Variants in AIG1 observed in about 807,000 individuals in gnomAD.
The protein encoded by AIG1 is androgen induced 1.
Under a neutral mutation model 31.4 loss-of-function variants are expected in AIG1, and 23 were observed. The observed-to-expected ratio is 0.73, with a 90% CI of 0.53 to 1.04. The LOEUF is 1.04. Ranked by LOEUF, AIG1 falls within the 50% of genes least tolerant of loss-of-function variation. The pLI is 0.00. For missense variants in AIG1, 274 were observed against 295.0 expected (o/e 0.93, Z 0.52); for synonymous variants, 100 against 110.5 (o/e 0.90, Z 0.60).
At chr6:143,181,951 C>A (rs970980177) in intron 3 of AIG1, among the ~76,000 whole-genome samples, 4 of 152,170 alleles carry the variant, frequency 2.6e-5, no homozygotes, top group Admixed American at 2.0e-4. Context: ...TCATACACTT[C>A]TCCATGGCTA....
chr6:143,192,562 A>T (rs902289761), intron 3 of AIG1, among the ~76,000 whole-genome samples: 12 of 151,652 alleles, frequency 7.9e-5, no homozygotes, highest in African/African-American at 2.9e-4. Context: ...CCAAGATCGT[A>T]CTACTTGCAC....
Position 143,328,646 on chromosome 6 carries a change from A to G in AIG1, c.516-4636A>G, listed in dbSNP as rs1276161339. Reference sequence around the variant, plus strand: ...ATAGATGTACACAGTTTCAAGGTATATGTGTAATTTAATTCATTCATATAA... The same window carrying G: ...ATAGATGTACACAGTTTCAAGGTATGTGTGTAATTTAATTCATTCATATAA... On this transcript the variant is annotated intron_variant, in intron 4 of 5. Transcript: ENST00000357847. This position sits in a 1 kb window ranked among gnomAD's most constrained non-coding sequence, Gnocchi z 4.0. Among the ~76,000 whole-genome samples the G allele has an allele frequency of 6.6e-6, 1 of 152,140 alleles. No homozygotes were observed. The highest frequency in any genetic ancestry group is 1.5e-5 in the Non-Finnish European group (1 of 68,028).
chr6:143,228,535 A>C (rs964343306), intron 3 of AIG1, among the ~76,000 whole-genome samples: 1 of 152,218 alleles, frequency 6.6e-6, no homozygotes, highest in Non-Finnish European at 1.5e-5. Flanking sequence ...ACAGGCAGGC[A>C]ACAGCATCAA....
intron 3 of AIG1, among the ~76,000 whole-genome samples, chr6:143,276,436 C>A (rs1276881286): frequency 6.6e-6 from 1 of 152,146 alleles, no homozygotes; most frequent in East Asian, 1.9e-4. Flanking sequence ...TCATTTTGAA[C>A]ATGAGGTTGT....
At chr6:143,232,570 T>G (rs890983296) in intron 3 of AIG1, among the ~76,000 whole-genome samples, 1 of 152,206 alleles carries the variant, frequency 6.6e-6, no homozygotes, top group East Asian at 1.9e-4. Context: ...AAACTCTAGA[T>G]AATAATCCTT....
intron 1 of AIG1, among the ~76,000 whole-genome samples, chr6:143,109,414 A>G (rs1781081181): frequency 6.6e-6 from 1 of 152,164 alleles, no homozygotes; most frequent in African/African-American, 2.4e-5. Context: ...GAGTCCACAT[A>G]TGTTCAGCTT....
rs1189527943 is a variant in AIG1, at chr6:143,103,495, A to T, written c.142-33340A>T. On this transcript the variant is annotated intron_variant, in intron 1 of 5. Transcript: ENST00000357847. ...ACAAAGTAGATGTGATAAATACAGA[A>T]GTTTTCTTTTTTTTTTTTTTTTTTT... Among the ~76,000 whole-genome samples, 10 of 147,236 alleles carry T rather than the reference A, an allele frequency of 6.8e-5. No homozygotes were observed. In the East Asian group the frequency reaches 2.1e-3, roughly 31 times the overall value.
chr6:143,333,477 A>G lies in AIG1; in HGVS notation c.679+32A>G, dbSNP rs1335911642. The G allele has an allele frequency of 1.2e-6, 2 of 1,606,564 alleles. No homozygotes were observed. The highest frequency in any genetic ancestry group is 1.7e-6 in the Non-Finnish European group (2 of 1,176,430). Reference sequence around the variant, plus strand: ...ATTGTCTGAGGGAACATAAAACAAGAGAATTACTGCCGGCAACAGTCTATG... The same window carrying G: ...ATTGTCTGAGGGAACATAAAACAAGGGAATTACTGCCGGCAACAGTCTATG... On this transcript the variant is annotated intron_variant, in intron 5 of 5. Coordinates refer to ENST00000357847, the MANE Select transcript of AIG1 (RefSeq NM_016108.4). The surrounding 1 kb of genome is among the most constrained non-coding windows in gnomAD (Gnocchi z 4.6).
intron 3 of AIG1, among the ~76,000 whole-genome samples, chr6:143,255,755 T>G (rs900812074): frequency 3.9e-5 from 6 of 152,098 alleles, no homozygotes; most frequent in Non-Finnish European, 5.9e-5. Flanking sequence ...CTATGGAAAT[T>G]TGAGGGGATT....
intron 3 of AIG1, among the ~76,000 whole-genome samples, chr6:143,174,256 A>T (rs1037342388): frequency 6.6e-6 from 1 of 152,150 alleles, no homozygotes; most frequent in African/African-American, 2.4e-5. Flanking sequence ...TGGGAGGCCA[A>T]GGCGGGTGGA....
chr6:143,234,783 A>G (rs1183147834), intron 3 of AIG1, among the ~76,000 whole-genome samples: 1 of 152,218 alleles, frequency 6.6e-6, no homozygotes, highest in East Asian at 1.9e-4. Flanking sequence ...AACCAACACC[A>G]TTGATAATAA....
intron 1 of AIG1, among the ~76,000 whole-genome samples, chr6:143,091,463 C>A (rs1053135323): frequency 1.3e-5 from 2 of 152,198 alleles, no homozygotes; most frequent in Admixed American, 1.3e-4. Context: ...CCAGAGAAAT[C>A]TTTTAATATA....
chr6:143,121,342 T>A (rs1396465027), intron 1 of AIG1, among the ~76,000 whole-genome samples: 2 of 152,234 alleles, frequency 1.3e-5, no homozygotes, highest in Non-Finnish European at 2.9e-5. Context: ...CCAGTTTGAA[T>A]CATCATCTCT....
At chr6:143,073,313 A>G (rs936429629) in intron 1 of AIG1, among the ~76,000 whole-genome samples, 2 of 152,196 alleles carry the variant, frequency 1.3e-5, no homozygotes, top group Non-Finnish European at 2.9e-5. Flanking sequence ...GCTATTGTGA[A>G]TGATGCTGCA....
intron 4 of AIG1, among the ~76,000 whole-genome samples, chr6:143,318,816 G>A (rs1326252107): frequency 6.6e-6 from 1 of 151,614 alleles, no homozygotes; most frequent in Non-Finnish European, 1.5e-5. Context: ...AGTGGGCTAA[G>A]GACATAAATA....
At chr6:143,343,420 C>A, downstream of AIG1, 1 of 506,512 alleles carries the variant, frequency 2.0e-6, no homozygotes, top group South Asian at 1.6e-5. Flanking sequence ...CCTGTCTTGT[C>A]CTGCCGGAGA....
At chr6:143,133,857 A>G (rs913322056) in intron 1 of AIG1, among the ~76,000 whole-genome samples, 9 of 152,084 alleles carry the variant, frequency 5.9e-5, no homozygotes, top group Non-Finnish European at 1.2e-4. Context: ...CAGGCTGCAT[A>G]AAACAATTAA....
intron 1 of AIG1, among the ~76,000 whole-genome samples, chr6:143,093,676 C>T (rs1562368164): frequency 6.6e-6 from 1 of 152,148 alleles, no homozygotes; most frequent in Admixed American, 6.5e-5. Flanking sequence ...TCATTTCTAG[C>T]TTTTGCTTTA....
intron 3 of AIG1, among the ~76,000 whole-genome samples, chr6:143,217,637 T>C (rs1306102605): frequency 1.3e-5 from 2 of 152,134 alleles, no homozygotes; most frequent in East Asian, 3.9e-4. Flanking sequence ...GCCTCCCAGG[T>C]AGCTGGGATT....
Sources: gnomAD v4.1 joint callset for allele counts (sites outside exome capture counted in the v4.1 genomes callset) on GRCh38, gnomAD v4.1.1 for gene constraint, Gnocchi (gnomAD v3.1) non-coding constraint, MANE v1.5 for transcripts, NCBI Gene and HGNC (gene_info 2026-07-23, HGNC 2026-07-21) for gene names.